The following MCTP2 variants were observed in gnomAD, a reference collection of about 807,000 sequenced individuals.
MCTP2 encodes multiple C2 and transmembrane domain containing 2.
In MCTP2, 132 loss-of-function variants were observed where a neutral mutation model predicts 111.6. The observed-to-expected ratio is 1.18, with a 90% CI of 1.03 to 1.37. The LOEUF (loss-of-function observed/expected upper bound fraction) is 1.37. MCTP2 is among the 40% of genes most tolerant of loss of function. MCTP2 has a pLI of 0.00. For missense variants in MCTP2, 1,183 were observed against 1,067.9 expected, an observed-to-expected ratio of 1.11 and a Z score of -1.50; for synonymous variants, 395 against 387.7, an observed-to-expected ratio of 1.02 and a Z score of -0.22.
At chr15:94,415,585 G>A (rs2082333938) in intron 17 of MCTP2, among the ~76,000 whole-genome samples, 1 of 152,032 alleles carries the variant, frequency 6.6e-6, no homozygotes, top group Non-Finnish European at 1.5e-5. Flanking sequence ...TATTATTTCA[G>A]CTAAATATGT....
Position 94,339,378 on chromosome 15 carries a change from G to A in MCTP2, c.726G>A (p.Trp242Ter), listed in dbSNP as rs761010999. The part of the protein sequence containing the change: ...KVIYKNLNPV[W>*]DEIVVLPIQS... Reference sequence around the variant, plus strand: ...TATATAAGAACTTGAACCCAGTATGGGATGAGATAGTTGTATTGCCAATCC... The same window carrying A: ...TATATAAGAACTTGAACCCAGTATGAGATGAGATAGTTGTATTGCCAATCC... The change falls in exon 5 of 23, where the codon TGG (tryptophan) becomes TGA (stop). Residue 242 changes from tryptophan to a stop codon, truncating the protein, a stop_gained. Coordinates refer to ENST00000357742, the MANE Select transcript of MCTP2 (RefSeq NM_001385001.1). LOFTEE classifies it high-confidence loss of function. 1.9e-6 allele frequency: 3 copies of A among 1,611,728 alleles called. No individual in the cohort carries two copies. In the African/African-American group the frequency reaches 4.0e-5, roughly 22 times the overall value.
At chr15:94,388,763 CA>C (rs1364106653) in intron 14 of MCTP2, among the ~76,000 whole-genome samples, 1 of 152,118 alleles carries the variant, frequency 6.6e-6, no homozygotes, top group Non-Finnish European at 1.5e-5. Flanking sequence ...TTATTATGCC[CA>C]TTTACAAATA....
chr15:94,448,925 C>T (rs1458573769), intron 19 of MCTP2, among the ~76,000 whole-genome samples: 1 of 152,180 alleles, frequency 6.6e-6, no homozygotes, highest in African/African-American at 2.4e-5. Flanking sequence ...CCTGTAGTCC[C>T]AGCTACTCGG....
chr15:94,464,260 T>TATATATATTATATATATATA (rs2085430946), intron 20 of MCTP2, among the ~76,000 whole-genome samples: 7 of 38,682 alleles, frequency 1.8e-4, no homozygotes, highest in African/African-American at 6.4e-4. Flanking sequence ...ATATATATTA[T>TATATATATTATATATATATA]ATATATATAT....
chr15:94,286,563 G>A (rs886558291), intron 1 of MCTP2, among the ~76,000 whole-genome samples: 1 of 151,938 alleles, frequency 6.6e-6, no homozygotes, highest in Non-Finnish European at 1.5e-5. Flanking sequence ...GAAACAATCC[G>A]AGTCAGTGTT....
chr15:94,327,967 A>C (rs1408088011), intron 4 of MCTP2, among the ~76,000 whole-genome samples: 3 of 152,114 alleles, frequency 2.0e-5, no homozygotes, highest in Non-Finnish European at 4.4e-5. Flanking sequence ...CCTATGAAAT[A>C]CCTTGGAGCA....
At chr15:94,342,910 A>G (rs1021675212) in intron 7 of MCTP2, 1 of 137,638 alleles carries the variant, frequency 7.3e-6, no homozygotes, top group Admixed American at 7.7e-5. Context: ...ATATTTATGT[A>G]TATGGAGATA....
chr15:94,400,735 C>G (rs561491668), intron 16 of MCTP2, among the ~76,000 whole-genome samples: 23 of 152,062 alleles, frequency 1.5e-4, no homozygotes, highest in African/African-American at 5.3e-4. Flanking sequence ...CAAAGTGTCC[C>G]CTTTTTCAAG....
In MCTP2 at chr15:94,384,172, G is replaced by A. The variant is rs116231773; in HGVS notation, c.1685+48G>A. 166 of 1,302,558 alleles carry A rather than the reference G, an allele frequency of 1.3e-4. 1 individual carries two copies. The African/African-American group carries it at 2.3e-3, about 18-fold the overall frequency. The allele number at this position is 1,302,558 out of a possible 1,614,324, so 80.7% of individuals were successfully genotyped here. ...TTATTTCTGCTGTGCTTGGAAGGTA[G>A]TCTGGGGCTCTTGAGTGGAATTTTC... On this transcript the variant is annotated intron_variant, in intron 13 of 22. Transcript: ENST00000357742.
intron 4 of MCTP2, among the ~76,000 whole-genome samples, chr15:94,329,554 T>A (rs2077040989): frequency 6.6e-6 from 1 of 152,012 alleles, no homozygotes; most frequent in Non-Finnish European, 1.5e-5. Context: ...GCCACACACT[T>A]TTAAACAATC....
chr15:94,270,430 C>T (rs962835942), intron 1 of MCTP2, among the ~76,000 whole-genome samples: 6 of 152,154 alleles, frequency 3.9e-5, no homozygotes, highest in African/African-American at 4.8e-5. Context: ...AATTGTTTGA[C>T]GCCATTTTTA....
chr15:94,351,931 A>T (rs1326405532), intron 8 of MCTP2, among the ~76,000 whole-genome samples: 1 of 152,100 alleles, frequency 6.6e-6, no homozygotes, highest in Non-Finnish European at 1.5e-5. Flanking sequence ...CCTGGGACAG[A>T]TAAGAGGCAC....
intron 21 of MCTP2, among the ~76,000 whole-genome samples, chr15:94,474,182 T>A (rs978543639): frequency 5.3e-5 from 8 of 152,322 alleles, no homozygotes; most frequent in Non-Finnish European, 1.2e-4. Context: ...ATCTAAGGTA[T>A]GTTTAGCATG....
intron 14 of MCTP2, among the ~76,000 whole-genome samples, chr15:94,393,000 G>A (rs1322086029): frequency 6.6e-6 from 1 of 151,930 alleles, no homozygotes; most frequent in Non-Finnish European, 1.5e-5. Context: ...TGTCCGTTTT[G>A]AGCAATACAA....
chr15:94,435,405 G>T, intron 17 of MCTP2, among the ~76,000 whole-genome samples: 1 of 151,802 alleles, frequency 6.6e-6, no homozygotes, highest in African/African-American at 2.4e-5. Context: ...ATACTGTGTT[G>T]CTTTCATGGT....
intron 17 of MCTP2, among the ~76,000 whole-genome samples, chr15:94,437,155 CAAAAAAAAAAA>C (rs11352999): frequency 7.2e-5 from 5 of 69,560 alleles, no homozygotes; most frequent in East Asian, 8.5e-4. Context: ...CTTACACATC[CAAAAAAAAAAA>C]AAAAAAAAAA....
At chr15:94,439,446 C>G (rs2083655373) in intron 17 of MCTP2, among the ~76,000 whole-genome samples, 1 of 151,976 alleles carries the variant, frequency 6.6e-6, no homozygotes. Context: ...CCCAAAATTT[C>G]ACTCCTGCCT....
intron 1 of MCTP2, among the ~76,000 whole-genome samples, chr15:94,248,092 A>G (rs116010823): frequency 0.013 from 2,048 of 152,270 alleles, 41 homozygotes; most frequent in African/African-American, 0.047. Context: ...ACATGGAGGT[A>G]CTGCTTCACA....
At chr15:94,474,019 G>A (rs1037352779) in intron 21 of MCTP2, among the ~76,000 whole-genome samples, 29 of 151,692 alleles carry the variant, frequency 1.9e-4, no homozygotes, top group African/African-American at 6.8e-4. Flanking sequence ...TTCAATCTAT[G>A]ATCCAGGACC....
Sources: gnomAD v4.1 joint callset for allele counts (sites outside exome capture counted in the v4.1 genomes callset) on GRCh38, gnomAD v4.1.1 for gene constraint, MANE v1.5 for transcripts, NCBI Gene and HGNC (gene_info 2026-07-23, HGNC 2026-07-21) for gene names.